Variants in CORIN observed in about 807,000 individuals in gnomAD.
The protein encoded by CORIN is atrial natriuretic peptide-converting enzyme.
CORIN carries 117 observed loss-of-function variants against 125.3 expected under a neutral mutation model. The ratio of observed to expected loss-of-function variants is 0.93; its 90% CI spans 0.80 to 1.09. CORIN has a LOEUF of 1.09. Ranked by LOEUF, CORIN falls within the 50% of genes least tolerant of loss-of-function variation. The pLI, the probability that CORIN is intolerant of heterozygous loss-of-function variation, is 0.00. For synonymous variants in CORIN, 450 were observed against 466.4 expected (o/e 0.96, Z 0.45); for missense variants, 1,253 against 1,306.7 (o/e 0.96, Z 0.63).
chr4:47,733,998 G>A (rs1480648069), intron 5 of CORIN, among the ~76,000 whole-genome samples: 2 of 152,172 alleles, frequency 1.3e-5, no homozygotes, highest in African/African-American at 2.4e-5. Flanking sequence ...GAGAGCTCTT[G>A]TGAGAAGGGG....
intron 4 of CORIN, among the ~76,000 whole-genome samples, chr4:47,762,631 T>C (rs1729520564): frequency 6.6e-6 from 1 of 152,200 alleles, no homozygotes. Flanking sequence ...CCAACATCTA[T>C]GTATGGTTCA....
chr4:47,738,694 G>A (rs913033719), intron 5 of CORIN, among the ~76,000 whole-genome samples: 3 of 151,936 alleles, frequency 2.0e-5, no homozygotes, highest in African/African-American at 7.3e-5. Context: ...CATATAGAGG[G>A]GGAAAAAACA....
chr4:47,802,702 G>A (rs1332745388), intron 2 of CORIN, among the ~76,000 whole-genome samples: 2 of 152,238 alleles, frequency 1.3e-5, no homozygotes, highest in Non-Finnish European at 2.9e-5. Context: ...GCCCTGAAGA[G>A]AGGGACACAA....
rs1314929892 is a variant in CORIN at position 47,623,625 on chromosome 4, C to T, written c.2486G>A (p.Gly829Asp). ...CCACTTCTTGGCAATGAGGACACAGCCACAGATATGTCCACTGGGTTCACT... is the reference window on the plus strand; with the variant it reads ...CCACTTCTTGGCAATGAGGACACAGTCACAGATATGTCCACTGGGTTCACT... ...LQSEPSGHIC[G>D]CVLIAKKWVL... is the part of the protein sequence containing the mutation. The change falls in exon 19 of 22, where the codon GGC (glycine) becomes GAC (aspartate). Residue 829 changes from glycine to aspartate, a missense_variant. Gly to Asp is a moderately conservative substitution (Grantham distance 94, BLOSUM62 -1). Coordinates refer to ENST00000273857, the MANE Select transcript of CORIN (RefSeq NM_006587.4). 6.2e-7 allele frequency: 1 copy of T among 1,614,200 alleles called. No individual in the cohort carries two copies.
chr4:47,610,224 G>T (rs568645752), intron 19 of CORIN, among the ~76,000 whole-genome samples: 1 of 152,294 alleles, frequency 6.6e-6, no homozygotes, highest in East Asian at 1.9e-4. Flanking sequence ...CCCACCAATG[G>T]TGTAAAAGCA....
chr4:47,795,565 T>A (rs925839118), intron 2 of CORIN, among the ~76,000 whole-genome samples: 2 of 151,166 alleles, frequency 1.3e-5, no homozygotes, highest in African/African-American at 2.4e-5. Context: ...TTCTTAGACA[T>A]GACATAAAAA....
At chr4:47,625,348 G>A (rs932275380) in intron 17 of CORIN, among the ~76,000 whole-genome samples, 1 of 151,952 alleles carries the variant, frequency 6.6e-6, no homozygotes, top group Non-Finnish European at 1.5e-5. Context: ...AGTGGAAATT[G>A]CAGTTATATA....
intron 1 of CORIN, among the ~76,000 whole-genome samples, chr4:47,808,071 T>C (rs1337879685): frequency 1.3e-5 from 2 of 152,220 alleles, no homozygotes; most frequent in Non-Finnish European, 1.5e-5. Flanking sequence ...AGCGTCTCTT[T>C]TTAACAAGTC....
intron 5 of CORIN, among the ~76,000 whole-genome samples, chr4:47,709,661 A>C (rs1024205969): frequency 2.0e-5 from 3 of 152,198 alleles, no homozygotes; most frequent in African/African-American, 7.2e-5. Flanking sequence ...AATAAATACC[A>C]ATACATTATT....
intron 21 of CORIN, among the ~76,000 whole-genome samples, chr4:47,596,283 C>T (rs1200840145): frequency 1.3e-5 from 2 of 151,846 alleles, no homozygotes; most frequent in Non-Finnish European, 2.9e-5. Context: ...GTGGAAAGTA[C>T]CCAAAATGGA....
intron 16 of CORIN, among the ~76,000 whole-genome samples, chr4:47,635,202 AGAGGTTAAT>A (rs1279407610): frequency 6.6e-6 from 1 of 152,228 alleles, no homozygotes; most frequent in African/African-American, 2.4e-5. Flanking sequence ...ACTGATGCTT[AGAGGTTAAT>A]GAGGTGGGAC....
intron 2 of CORIN, among the ~76,000 whole-genome samples, chr4:47,800,807 T>G (rs1483853081): frequency 6.6e-6 from 1 of 152,208 alleles, no homozygotes; most frequent in Non-Finnish European, 1.5e-5. Context: ...CTCTGGCATC[T>G]GTGAAAGCCA....
At chr4:47,629,361 G>A (rs1250804630) in intron 16 of CORIN, among the ~76,000 whole-genome samples, 6 of 152,000 alleles carry the variant, frequency 3.9e-5, no homozygotes, top group African/African-American at 1.4e-4. Context: ...GTCTGTTCAG[G>A]TCCTTAGTCC....
chr4:47,792,160 T>C lies in CORIN; in HGVS notation c.209-5235A>G, dbSNP rs75699469. On this transcript the variant is annotated intron_variant, in intron 2 of 21. Transcript: ENST00000273857. ...GGCGTGGCAAGAGGAAGTGAAACAT[T>C]TTCTAGATAAAGCCAAGGGAAAAAC... Among the ~76,000 whole-genome samples, 736 of 152,156 alleles carry C rather than the reference T, an allele frequency of 4.8e-3. 33 individuals carry two copies. In the East Asian group the frequency reaches 0.098, roughly 20 times the overall value.
At chr4:47,708,257 G>C (rs1726669075) in intron 5 of CORIN, among the ~76,000 whole-genome samples, 1 of 152,200 alleles carries the variant, frequency 6.6e-6, no homozygotes, top group African/African-American at 2.4e-5. Context: ...ATAAAATCAA[G>C]GTGTTGGCAA....
intron 6 of CORIN, 144 bp downstream of exon 6, chr4:47,692,826 A>T: frequency 1.5e-6 from 1 of 666,552 alleles, no homozygotes. Context: ...GTGTGCAAAC[A>T]TGCTGCTGTC....
chr4:47,693,071 C>T lies in CORIN; in HGVS notation c.812G>A (p.Arg271Lys), dbSNP rs1234465338. ...QENGKQLLCG[R>K]GENFLCASGI... ...ACTGGCACACAGAAAGTTCTCACCCCTTCCACAGAGCACTAAAAAAAAAGG... is the reference window on the plus strand; with the variant it reads ...ACTGGCACACAGAAAGTTCTCACCCTTTCCACAGAGCACTAAAAAAAAAGG... Residue 271 changes from arginine (R) to lysine (K), a missense_variant, in exon 6 of 22, where the codon AGG becomes AAG. Transcript: ENST00000273857. 14 of 1,611,498 alleles carry T rather than the reference C, an allele frequency of 8.7e-6. No individual in the cohort carries two copies. The highest frequency in any genetic ancestry group is 1.3e-5 in the African/African-American group (1 of 74,802).
At chr4:47,802,511 G>A (rs2109944266) in intron 2 of CORIN, among the ~76,000 whole-genome samples, 1 of 152,322 alleles carries the variant, frequency 6.6e-6, no homozygotes, top group South Asian at 2.1e-4. Flanking sequence ...GTGGCCACAG[G>A]GAGAGACTCC....
At chr4:47,634,305 C>A (rs988204956) in intron 16 of CORIN, among the ~76,000 whole-genome samples, 5 of 152,060 alleles carry the variant, frequency 3.3e-5, no homozygotes, top group Admixed American at 6.6e-5. Context: ...GTCTTTATAA[C>A]CAAAAAAGAA....
Sources: allele counts gnomAD v4.1 joint callset (sites outside exome capture counted in the v4.1 genomes callset), GRCh38; gene constraint gnomAD v4.1.1; transcripts MANE v1.5; gene names NCBI Gene and HGNC (gene_info 2026-07-23, HGNC 2026-07-21).